Variants in PDE8A observed in about 807,000 individuals in gnomAD.
PDE8A encodes phosphodiesterase 8A, also known as high affinity cAMP-specific and IBMX-insensitive 3',5'-cyclic phosphodiesterase 8A.
In PDE8A, 59 loss-of-function variants were observed where a neutral mutation model predicts 105.0. That is an observed-to-expected ratio of 0.56 (90% confidence interval 0.46 to 0.70). PDE8A has a LOEUF of 0.70. Ranked by LOEUF, PDE8A falls within the 30% of genes least tolerant of loss-of-function variation. The pLI, the probability that PDE8A is intolerant of heterozygous loss-of-function variation, is 0.00. For missense variants in PDE8A, 1,014 were observed against 1,045.9 expected, an observed-to-expected ratio of 0.97 and a Z score of 0.42; for synonymous variants, 355 against 371.9, an observed-to-expected ratio of 0.95 and a Z score of 0.52.
chr15:85,097,721 T>G (rs574901869), intron 8 of PDE8A: 2 of 474,596 alleles, frequency 4.2e-6, no homozygotes, highest in African/African-American at 4.0e-5. Flanking sequence ...ACTGAAAATA[T>G]ATGACCACTT....
chr15:85,062,114 A>G (rs1460602610), intron 1 of PDE8A, among the ~76,000 whole-genome samples: 1 of 151,634 alleles, frequency 6.6e-6, no homozygotes, highest in Non-Finnish European at 1.5e-5. Flanking sequence ...GTTGCTGTTG[A>G]TTTAGTTTTT....
intron 3 of PDE8A, among the ~76,000 whole-genome samples, chr15:85,074,439 C>T (rs1267341701): frequency 2.0e-5 from 3 of 152,210 alleles, no homozygotes; most frequent in African/African-American, 4.8e-5. Context: ...TGCTGGCTCA[C>T]GCCTGTAATC....
At chr15:85,084,996 G>A (rs2081528186) in intron 6 of PDE8A, among the ~76,000 whole-genome samples, 2 of 152,036 alleles carry the variant, frequency 1.3e-5, no homozygotes, top group African/African-American at 4.8e-5. Flanking sequence ...CTGGATTATT[G>A]AAACCACCAG....
chr15:85,052,512 A>G (rs539114561), intron 1 of PDE8A, among the ~76,000 whole-genome samples: 3 of 152,248 alleles, frequency 2.0e-5, no homozygotes, highest in East Asian at 1.9e-4. Flanking sequence ...AATGATCGCC[A>G]TTGTAACTGG....
intron 21 of PDE8A, 43 bp from the exon 22 acceptor site, chr15:85,137,754 C>T: frequency 8.1e-7 from 1 of 1,228,610 alleles, no homozygotes; most frequent in Non-Finnish European, 1.2e-6. Context: ...AAAATGTAAA[C>T]AGAGGCTGTG....
chr15:85,001,388 A>G (rs191027074), intron 1 of PDE8A, among the ~76,000 whole-genome samples: 1 of 152,358 alleles, frequency 6.6e-6, no homozygotes, highest in African/African-American at 2.4e-5. Context: ...AAACAAAAAA[A>G]GGCAAGACTA....
At chr15:85,064,093 T>G in intron 1 of PDE8A, 1 of 329,336 alleles carries the variant, frequency 3.0e-6, no homozygotes, top group Non-Finnish European at 5.5e-6. Context: ...GGAAGATTAA[T>G]TCACTTAAAG....
At chr15:85,025,264 T>C (rs1286566040) in intron 1 of PDE8A, among the ~76,000 whole-genome samples, 1 of 152,126 alleles carries the variant, frequency 6.6e-6, no homozygotes, top group Non-Finnish European at 1.5e-5. Flanking sequence ...CACTTTGCTT[T>C]TAAGGGGCAC....
In PDE8A at chr15:85,081,933, A is replaced by T. The variant is rs1293762503; in HGVS notation, c.547-1623A>T. Among the ~76,000 whole-genome samples, 3 of 152,056 alleles carry T rather than the reference A, an allele frequency of 2.0e-5. No individual in the cohort carries two copies. In the South Asian group the frequency reaches 6.2e-4, roughly 32 times the overall value. On this transcript the variant is annotated intron_variant, in intron 5 of 21. Transcript: ENST00000394553. ...AATCCATTTGTGGAAATGGATAAAT[A>T]CACATTCCCTCCACAGCCCTCACAT...
rs2082436436 is a variant in PDE8A at position 85,137,817 on chromosome 15, T to C, written c.2404T>C (p.Leu802=). ...AWDAFVDLPD[L]MQHLDNNFKY... Reference sequence around the variant, plus strand: ...TCCAGCCTTTGTAGACCTGCCTGATTTAATGCAGCATCTTGACAACAACTT... The same window carrying C: ...TCCAGCCTTTGTAGACCTGCCTGATCTAATGCAGCATCTTGACAACAACTT... The change falls in exon 22 of 22, where the codon TTA becomes CTA. Residue 802 remains leucine, a synonymous_variant. Transcript: ENST00000394553. The C allele has an allele frequency of 6.2e-7, 1 of 1,612,034 alleles. No individual in the cohort carries two copies. The highest frequency in any genetic ancestry group is 1.3e-5 in the African/African-American group (1 of 74,888).
chr15:85,066,006 T>C (rs2081219011), intron 2 of PDE8A, among the ~76,000 whole-genome samples: 1 of 139,890 alleles, frequency 7.1e-6, no homozygotes, highest in Admixed American at 7.1e-5. Flanking sequence ...ACTTTAAATC[T>C]TTCTTCTTTT....
chr15:85,020,838 T>C (rs2080413607), intron 1 of PDE8A, among the ~76,000 whole-genome samples: 1 of 152,126 alleles, frequency 6.6e-6, no homozygotes, highest in African/African-American at 2.4e-5. Flanking sequence ...CCCTTCAGTG[T>C]GTTAATTCCT....
upstream of PDE8A, among the ~76,000 whole-genome samples, chr15:84,981,233 C>T (rs1006687461): frequency 1.3e-5 from 2 of 152,198 alleles, no homozygotes; most frequent in African/African-American, 2.4e-5. Context: ...GTCGGGCGCC[C>T]CGCCTGTCGT....
chr15:85,025,542 G>A (rs1212641300), intron 1 of PDE8A, among the ~76,000 whole-genome samples: 1 of 152,150 alleles, frequency 6.6e-6, no homozygotes, highest in Non-Finnish European at 1.5e-5. Context: ...CTGGGCCCAG[G>A]CCTGCTGGAT....
At chr15:85,117,618 T>A in intron 16 of PDE8A, 23 bp from the exon 17 acceptor site, 1 of 1,601,208 alleles carries the variant, frequency 6.2e-7, no homozygotes, top group Non-Finnish European at 8.6e-7. Flanking sequence ...GTTCTAATAT[T>A]GTGGGGTTTT....
intron 1 of PDE8A, among the ~76,000 whole-genome samples, chr15:85,052,224 G>T (rs2080987406): frequency 6.6e-6 from 1 of 152,206 alleles, no homozygotes; most frequent in African/African-American, 2.4e-5. Flanking sequence ...GTCTATCATT[G>T]ATGGGCATTT....
intron 1 of PDE8A, among the ~76,000 whole-genome samples, chr15:85,027,744 A>G (rs2080542614): frequency 6.6e-6 from 1 of 152,216 alleles, no homozygotes; most frequent in Non-Finnish European, 1.5e-5. Flanking sequence ...AGACATGTTT[A>G]TTCTAGAAAA....
At chr15:85,012,830 A>G (rs1465472094) in intron 1 of PDE8A, among the ~76,000 whole-genome samples, 1 of 152,242 alleles carries the variant, frequency 6.6e-6, no homozygotes, top group Non-Finnish European at 1.5e-5. Flanking sequence ...ATAAATGATT[A>G]TATAATACCC....
intron 1 of PDE8A, among the ~76,000 whole-genome samples, chr15:85,006,868 G>A (rs1013885513): frequency 3.9e-5 from 6 of 152,166 alleles, no homozygotes; most frequent in African/African-American, 1.4e-4. Flanking sequence ...ATGTACTTGA[G>A]AAGAGGGAAT....
Sources: gnomAD v4.1 joint callset for allele counts (sites outside exome capture counted in the v4.1 genomes callset) on GRCh38, gnomAD v4.1.1 for gene constraint, MANE v1.5 for transcripts, NCBI Gene and HGNC (gene_info 2026-07-23, HGNC 2026-07-21) for gene names.